The following NAPB variants were observed in gnomAD, a reference collection of about 807,000 sequenced individuals.
The protein encoded by NAPB is beta-soluble NSF attachment protein.
Under a neutral mutation model 44.7 loss-of-function variants are expected in NAPB, and 26 were observed. The ratio of observed to expected loss-of-function variants is 0.58; its 90% CI spans 0.43 to 0.81. NAPB has a LOEUF of 0.81. Ranked by LOEUF, NAPB falls within the 30% of genes least tolerant of loss-of-function variation. The pLI, the probability that NAPB is intolerant of heterozygous loss-of-function variation, is 0.00. For synonymous variants in NAPB, 120 were observed against 116.8 expected (o/e 1.03, Z -0.18); for missense variants, 315 against 356.4 (o/e 0.88, Z 0.94).
At chr20:23,397,229 C>T (rs767108496) in intron 2 of NAPB, 41 bp from the exon 3 acceptor site, 1 of 1,579,800 alleles carries the variant, frequency 6.3e-7, no homozygotes, top group Admixed American at 1.7e-5. Context: ...GAACAAGTCC[C>T]CCCCAGAGCA....
intron 1 of NAPB, among the ~76,000 whole-genome samples, chr20:23,403,293 A>C (rs564892806): frequency 6.6e-6 from 1 of 152,178 alleles, no homozygotes; most frequent in Non-Finnish European, 1.5e-5. Context: ...CACAGAAAGG[A>C]TAGCTCAGAA....
At chr20:23,412,127 G>A (rs1192233350) in intron 1 of NAPB, among the ~76,000 whole-genome samples, 2 of 152,164 alleles carry the variant, frequency 1.3e-5, no homozygotes, top group Admixed American at 6.5e-5. Flanking sequence ...ACTGCAGACT[G>A]GCTGTGACTG....
intron 5 of NAPB, among the ~76,000 whole-genome samples, chr20:23,391,043 G>A (rs911270488): frequency 2.6e-5 from 4 of 152,280 alleles, no homozygotes; most frequent in African/African-American, 4.8e-5. Flanking sequence ...GGCCAGGTGC[G>A]GTGGCTCATG....
chr20:23,405,148 C>T (rs895722340), intron 1 of NAPB, among the ~76,000 whole-genome samples: 10 of 152,026 alleles, frequency 6.6e-5, no homozygotes, highest in African/African-American at 2.4e-4. Context: ...ACTAAAAATA[C>T]AAAAACAATT....
chr20:23,384,203 T>C (rs1364184385), intron 7 of NAPB, among the ~76,000 whole-genome samples: 1 of 152,206 alleles, frequency 6.6e-6, no homozygotes, highest in Non-Finnish European at 1.5e-5. Flanking sequence ...GATTTTGATA[T>C]ATGAGAGAGG....
At chr20:23,411,629 C>G (rs117734947) in intron 1 of NAPB, among the ~76,000 whole-genome samples, 2 of 127,012 alleles carry the variant, frequency 1.6e-5, no homozygotes, top group Admixed American at 8.2e-5. Flanking sequence ...TGACAAAGTA[C>G]AAACAGCTTA....
rs1456011331 is a variant in NAPB, at chr20:23,421,289, A to G, written c.98+16T>C. Reference sequence around the variant, plus strand: ...GAGACCCCCCCCCCCCAGGGCACGCACGGTCTGGCGCTCACCCAAACAGCC... The same window carrying G: ...GAGACCCCCCCCCCCCAGGGCACGCGCGGTCTGGCGCTCACCCAAACAGCC... On this transcript the variant is annotated intron_variant, in intron 1 of 10. Coordinates refer to ENST00000377026, the MANE Select transcript of NAPB (RefSeq NM_022080.3). 6 of 1,515,330 alleles carry G rather than the reference A, an allele frequency of 4.0e-6. No homozygotes were observed. In the Admixed American group the frequency reaches 1.2e-4, roughly 30 times the overall value. 93.9% of individuals were successfully genotyped at this position (1,515,330 alleles called of 1,614,324 possible). A position where few individuals can be genotyped will look rare whatever the true frequency, so the allele number is the denominator to read the frequency against.
Position 23,395,150 on chromosome 20 carries a change from A to T in NAPB, c.331T>A (p.Tyr111Asn), listed in dbSNP as rs1357216891. The change falls in exon 4 of 11, where the codon TAC (tyrosine) becomes AAC (asparagine). Residue 111 changes from tyrosine (Y) to asparagine (N), a missense_variant. By Grantham distance (143) the Tyr-to-Asn change is moderately radical (BLOSUM62 -2). This residue lies in a region of NAPB where 179 missense variants were observed against 182.5 expected (regional missense o/e 0.98). Coordinates refer to ENST00000377026, the MANE Select transcript of NAPB (RefSeq NM_022080.3). ...INCLNAAIDIYTDMGRFTIAA... is the reference protein window; with the variant it reads ...INCLNAAIDINTDMGRFTIAA... ...ATGCAATGTCTTACCATGTCTGTGT[A>T]AATGTCGATGGCTGCATTTAAGCAG... The T allele has an allele frequency of 1.2e-6, 2 of 1,614,086 alleles. No homozygotes were observed. Among genetic ancestry groups the T allele is most frequent in the Admixed American group, 3.3e-5 (2 of 60,002 alleles).
At chr20:23,390,437 G>C (rs571197415) in intron 5 of NAPB, among the ~76,000 whole-genome samples, 173 bp from the exon 6 acceptor site, 15 of 152,352 alleles carry the variant, frequency 9.8e-5, no homozygotes, top group East Asian at 1.9e-4. Context: ...GAAGCAGAAT[G>C]CTTGCTGACC....
At chr20:23,401,798 T>C (rs1984871543) in intron 2 of NAPB, among the ~76,000 whole-genome samples, 2 of 152,192 alleles carry the variant, frequency 1.3e-5, no homozygotes, top group African/African-American at 4.8e-5. Flanking sequence ...TAAGAATCGC[T>C]TGAGCCCCAG....
chr20:23,379,609 TACTC>T, intron 9 of NAPB, 114 bp from the exon 10 acceptor site: 2 of 815,080 alleles, frequency 2.5e-6, no homozygotes, highest in Non-Finnish European at 1.9e-6. Context: ...ACTGAGGAAA[TACTC>T]ATATACAAGT....
At chr20:23,399,397 C>T (rs1984653587) in intron 2 of NAPB, among the ~76,000 whole-genome samples, 1 of 152,132 alleles carries the variant, frequency 6.6e-6, no homozygotes, top group African/African-American at 2.4e-5. Context: ...TTGTTCCTTC[C>T]ACCACGTGAG....
intron 2 of NAPB, among the ~76,000 whole-genome samples, chr20:23,401,646 C>T (rs914443625): frequency 1.3e-5 from 2 of 152,140 alleles, no homozygotes; most frequent in Non-Finnish European, 2.9e-5. Context: ...TTTGGGAGGC[C>T]GAGGTGGGTG....
chr20:23,401,205 C>A (rs1984815650), intron 2 of NAPB, among the ~76,000 whole-genome samples: 1 of 152,120 alleles, frequency 6.6e-6, no homozygotes, highest in Admixed American at 6.5e-5. Context: ...TCTTTGAGGG[C>A]CACTACAGAG....
At chr20:23,403,185 G>A (rs1984976861) in intron 1 of NAPB, 113 bp from the exon 2 acceptor site, 1 of 754,804 alleles carries the variant, frequency 1.3e-6, no homozygotes. Flanking sequence ...AAGCATTACA[G>A]AATCTTAACC....
At chr20:23,391,335 T>C (rs776120247) in intron 5 of NAPB, among the ~76,000 whole-genome samples, 5 of 151,954 alleles carry the variant, frequency 3.3e-5, no homozygotes, top group Non-Finnish European at 7.4e-5. Context: ...AACAAAAAAA[T>C]AAGTGTCTAC....
At chr20:23,408,923 G>A (rs969530262) in intron 1 of NAPB, among the ~76,000 whole-genome samples, 7 of 152,126 alleles carry the variant, frequency 4.6e-5, no homozygotes, top group African/African-American at 1.7e-4. Flanking sequence ...TTTTAAAAAG[G>A]TAGGAGGGAG....
intron 1 of NAPB, among the ~76,000 whole-genome samples, chr20:23,410,912 CTT>C (rs1420823100): frequency 2.6e-5 from 4 of 152,088 alleles, no homozygotes; most frequent in Non-Finnish European, 5.9e-5. Flanking sequence ...ATGATGAACT[CTT>C]GTTTCAAATT....
chr20:23,399,561 C>T (rs955147918), intron 2 of NAPB, among the ~76,000 whole-genome samples: 8 of 152,110 alleles, frequency 5.3e-5, no homozygotes, highest in African/African-American at 7.2e-5. Flanking sequence ...TTGTTATAGC[C>T]GCAGGAAGAA....
Sources: gnomAD v4.1 joint callset for allele counts (sites outside exome capture counted in the v4.1 genomes callset) on GRCh38, gnomAD v4.1.1 for gene constraint, gnomAD v4.1.1 regional missense constraint, MANE v1.5 for transcripts, NCBI Gene and HGNC (gene_info 2026-07-23, HGNC 2026-07-21) for gene names.